The following IL1A variants were observed in gnomAD, a reference collection of about 807,000 sequenced individuals.
The protein encoded by IL1A is interleukin-1 alpha.
A neutral mutation model predicts 22.2 loss-of-function variants in IL1A; 16 were observed. The observed-to-expected ratio is 0.72, with a 90% CI of 0.49 to 1.09. The LOEUF is 1.09. Among genes scored for constraint, IL1A ranks in the 50% least tolerant of loss-of-function variants. IL1A has a pLI of 0.00. For synonymous variants in IL1A, 113 were observed against 118.5 expected (o/e 0.95, Z 0.30); for missense variants, 317 against 321.8 (o/e 0.99, Z 0.11).
chr2:112,780,479 T>C lies in IL1A; in HGVS notation c.320-813A>G, dbSNP rs995837493. Among the ~76,000 whole-genome samples the C allele has an allele frequency of 3.9e-5, 6 of 152,194 alleles. No homozygotes were observed. In the South Asian group the frequency reaches 1.0e-3, roughly 26 times the overall value. On this transcript the variant is annotated intron_variant, in intron 4 of 6. Coordinates refer to ENST00000263339, the MANE Select transcript of IL1A (RefSeq NM_000575.5). ...GGTATTATCTTAAAAACAGGAATAT[T>C]GGGTTTATAGTTCATGTGGAGGCTT...
chr2:112,775,160 G>A lies in IL1A; in HGVS notation c.723C>T (p.Asn241=), dbSNP rs202006254. ...AGTCTTGCTTTGTGGCAATAAACAA[G>A]TTTGGATGGGCAACTGATGTGAAAT... The part of the protein sequence containing the change: ...KNYFTSVAHP[N]LFIATKQDYW... The change falls in exon 7 of 7, where the codon AAC becomes AAT. Residue 241 remains asparagine (N), a synonymous_variant. Transcript: ENST00000263339. 5 of 1,614,248 alleles carry A rather than the reference G, an allele frequency of 3.1e-6. No individual in the cohort carries two copies. In the East Asian group the frequency reaches 6.7e-5, roughly 22 times the overall value.
rs1681211316 is a variant in IL1A, at chr2:112,781,810, A to G, written c.113T>C (p.Val38Ala). Residue 38 changes from valine (V) to alanine (A), a missense_variant, in exon 4 of 7, where the codon GTA becomes GCA. Val to Ala is a moderately conservative substitution (Grantham distance 64). Coordinates refer to ENST00000263339, the MANE Select transcript of IL1A (RefSeq NM_000575.5). ...LSLNQKSFYH[V>A]SYGPLHEGCM... ...GCCTTCATGGAGTGGGCCATAGCTT[A>G]CATGATAGAAGGATTTCTGTGAGGA... The G allele has an allele frequency of 6.2e-7, 1 of 1,613,370 alleles. No homozygotes were observed. Among genetic ancestry groups the G allele is most frequent in the Non-Finnish European group, 8.5e-7 (1 of 1,179,270 alleles).
rs1446520283 is a variant in IL1A, at chr2:112,774,383, G to A, written c.*684C>T. ...GGAGGATGCCTGGTCACACTCAGAG[G>A]ATGAAGGGGTTCCCATAAATATAGT... On this transcript the variant is annotated 3_prime_UTR_variant, in exon 7 of 7. Coordinates refer to ENST00000263339, the MANE Select transcript of IL1A (RefSeq NM_000575.5). The A allele has an allele frequency of 6.6e-6, 1 of 151,218 alleles. No individual in the cohort carries two copies. The highest frequency in any genetic ancestry group is 6.6e-5 in the Admixed American group (1 of 15,152). The allele number at this position is 151,218 out of a possible 1,614,324, so 9.4% of individuals were successfully genotyped here. A position where few individuals can be genotyped will look rare whatever the true frequency, so the allele number is the denominator to read the frequency against.
In IL1A at chr2:112,778,202, G is replaced by A. The variant is rs866480364; in HGVS notation, c.491-91C>T. 1.3e-3 allele frequency: 1,018 copies of A among 813,796 alleles called. 6 individuals are homozygous for A. In the African/African-American group the frequency reaches 0.016, roughly 13 times the overall value. The allele number at this position is 813,796 out of a possible 1,614,324, so 50.4% of individuals were successfully genotyped here. On this transcript the variant is annotated intron_variant, in intron 5 of 6. Transcript: ENST00000263339. ...TAGATTGTGTGTGCATGGTGTGTGTGTGTGTGTGTGTGTGTGTGTGTGTGT... is the reference window on the plus strand; with the variant it reads ...TAGATTGTGTGTGCATGGTGTGTGTATGTGTGTGTGTGTGTGTGTGTGTGT...
intron 2 of IL1A, 134 bp downstream of exon 2, chr2:112,783,590 C>A: frequency 1.5e-6 from 1 of 685,844 alleles, no homozygotes; most frequent in Non-Finnish European, 2.6e-6. Flanking sequence ...TGAACCTGCT[C>A]TGACTTCAGG....
intron 4 of IL1A, among the ~76,000 whole-genome samples, chr2:112,780,877 G>A (rs961643264): frequency 6.6e-6 from 1 of 152,006 alleles, no homozygotes; most frequent in Non-Finnish European, 1.5e-5. Flanking sequence ...AAAATTAGCC[G>A]GGAACAGTGG....
intron 3 of IL1A, 109 bp from the exon 4 acceptor site, chr2:112,781,935 G>T: frequency 1.4e-6 from 1 of 725,924 alleles, no homozygotes; most frequent in Non-Finnish European, 2.4e-6. Context: ...CTCCATTCTG[G>T]TCTTAGGTAA....
chr2:112,782,888 G>T, intron 2 of IL1A, 124 bp from the exon 3 acceptor site: 1 of 663,772 alleles, frequency 1.5e-6, no homozygotes, highest in Non-Finnish European at 2.7e-6. Flanking sequence ...TGTCATCTTT[G>T]AAATTTAAGG....
Position 112,774,992 on chromosome 2 carries a change from G to C in IL1A, c.*75C>G. On this transcript the variant is annotated 3_prime_UTR_variant, in exon 7 of 7. Transcript: ENST00000263339. Reference sequence around the variant, plus strand: ...TGCTCAGCAAATGACTAACAGTAAAGGATTTAGCTTCTTCATGTACATGGT... The same window carrying C: ...TGCTCAGCAAATGACTAACAGTAAACGATTTAGCTTCTTCATGTACATGGT... 1 of 1,157,760 alleles carries C rather than the reference G, an allele frequency of 8.6e-7. No individual in the cohort carries two copies. The highest frequency in any genetic ancestry group is 1.8e-5 in the Admixed American group (1 of 55,254). The allele number at this position is 1,157,760 out of a possible 1,614,324, so 71.7% of individuals were successfully genotyped here. A position where few individuals can be genotyped will look rare whatever the true frequency, so the allele number is the denominator to read the frequency against.
chr2:112,781,552 C>G, intron 4 of IL1A, 52 bp downstream of exon 4: 1 of 1,377,108 alleles, frequency 7.3e-7, no homozygotes, highest in South Asian at 1.2e-5. Flanking sequence ...TTCTACTGTC[C>G]CTACTTGCTT....
chr2:112,781,524 G>A (rs149073466), intron 4 of IL1A, 80 bp downstream of exon 4: 60 of 1,098,252 alleles, frequency 5.5e-5, no homozygotes, highest in South Asian at 1.5e-4. Flanking sequence ...CTGACTCCAC[G>A]TTTAATTTTC....
Position 112,775,002 on chromosome 2 carries a change from T to C in IL1A, c.*65A>G. The C allele has an allele frequency of 7.0e-6, 9 of 1,293,224 alleles. No homozygotes were observed. The highest frequency in any genetic ancestry group is 1.0e-5 in the Non-Finnish European group (9 of 894,490). The allele number at this position is 1,293,224 out of a possible 1,614,324, so 80.1% of individuals were successfully genotyped here. On this transcript the variant is annotated 3_prime_UTR_variant, in exon 7 of 7. Transcript: ENST00000263339. Reference sequence around the variant, plus strand: ...ATGACTAACAGTAAAGGATTTAGCTTCTTCATGTACATGGTACATATGAAC... The same window carrying C: ...ATGACTAACAGTAAAGGATTTAGCTCCTTCATGTACATGGTACATATGAAC...
chr2:112,775,049 A>G lies in IL1A; in HGVS notation c.*18T>C. ...GAACTGTCAACACTGCACAAGTGAG[A>G]CAAGTGAGACTCCAGACCTACGCCT... On this transcript the variant is annotated 3_prime_UTR_variant, in exon 7 of 7. Transcript: ENST00000263339. 6.2e-7 allele frequency: 1 copy of G among 1,604,984 alleles called. No homozygotes were observed. The highest frequency in any genetic ancestry group is 2.2e-5 in the East Asian group (1 of 44,842).
chr2:112,774,851 T>C lies in IL1A; in HGVS notation c.*216A>G, dbSNP rs1681072347. 1 of 464,154 alleles carries C rather than the reference T, an allele frequency of 2.2e-6. No homozygotes were observed. The highest frequency in any genetic ancestry group is 3.4e-5 in the East Asian group (1 of 29,124). The allele number at this position is 464,154 out of a possible 1,614,324, so 28.8% of individuals were successfully genotyped here. The stretch of plus-strand genomic sequence containing the variant: ...TTGTTATGAAGAATAATAATTAAAA[T>C]GATTGGTACTATGCAAAATATAGGG... On this transcript the variant is annotated 3_prime_UTR_variant, in exon 7 of 7. Coordinates refer to ENST00000263339, the MANE Select transcript of IL1A (RefSeq NM_000575.5).
At position 112,781,803 on chromosome 2, in the gene IL1A, A is replaced by AT; in HGVS notation, c.119dup (p.Tyr40Ter). ...LNQKSFYHVSYGPLHEGCMDQ... is the reference protein window; with the variant it reads ...LNQKSFYHVS Reference sequence around the variant, plus strand: ...CCATGCAGCCTTCATGGAGTGGGCCATAGCTTACATGATAGAAGGATTTCT... The same window carrying AT: ...CCATGCAGCCTTCATGGAGTGGGCCATTAGCTTACATGATAGAAGGATTTCT... Residue 40 changes from tyrosine (Y) to a stop codon, truncating the protein, a stop_gained and frameshift_variant, in exon 4 of 7, where the codon TAT becomes TAAT. Coordinates refer to ENST00000263339, the MANE Select transcript of IL1A (RefSeq NM_000575.5). LOFTEE classifies it high-confidence loss of function. 1 of 1,613,576 alleles carries AT rather than the reference A, an allele frequency of 6.2e-7. No homozygotes were observed. Among genetic ancestry groups the AT allele is most frequent in the African/African-American group, 1.3e-5 (1 of 75,038 alleles).
intron 1 of IL1A, among the ~76,000 whole-genome samples, chr2:112,784,073 A>G (rs1430387333): frequency 1.3e-5 from 2 of 152,266 alleles, no homozygotes; most frequent in African/African-American, 4.8e-5. Context: ...GGTTACAAAA[A>G]CACCACAAGA....
chr2:112,778,196 GTGTGT>G, intron 5 of IL1A, 85 bp from the exon 6 acceptor site: 1 of 303,904 alleles, frequency 3.3e-6, no homozygotes, highest in South Asian at 4.5e-5. Flanking sequence ...TGTGCATGGT[GTGTGT>G]GTGTGTGTGT....
At chr2:112,781,528 A>C in intron 4 of IL1A, 76 bp downstream of exon 4, 1 of 1,142,282 alleles carries the variant, frequency 8.8e-7, no homozygotes, top group South Asian at 1.2e-5. Context: ...CTCCACGTTT[A>C]ATTTTCCCCT....
intron 4 of IL1A, among the ~76,000 whole-genome samples, 163 bp from the exon 5 acceptor site, chr2:112,779,829 G>T (rs560435325): frequency 1.1e-3 from 165 of 152,264 alleles, no homozygotes; most frequent in African/African-American, 3.9e-3. Context: ...AGCAGAACTG[G>T]TTTTCTAGGA....
Sources: allele counts gnomAD v4.1 joint callset (sites outside exome capture counted in the v4.1 genomes callset), GRCh38; gene constraint gnomAD v4.1.1; transcripts MANE v1.5; gene names NCBI Gene and HGNC (gene_info 2026-07-23, HGNC 2026-07-21).